PGM5: variants seen among roughly 807,000 people sequenced by gnomAD.
PGM5 encodes phosphoglucomutase 5, also known as phosphoglucomutase-like protein 5.
In PGM5, 23 loss-of-function variants were observed where a neutral mutation model predicts 59.2. That is an observed-to-expected ratio of 0.39 (90% confidence interval 0.28 to 0.55). The LOEUF (loss-of-function observed/expected upper bound fraction) is 0.55, where lower values mean the gene tolerates loss of function less well. Among genes scored for constraint, PGM5 ranks in the 20% least tolerant of loss-of-function variants. PGM5 has a pLI of 0.66. For missense variants in PGM5, 574 were observed against 748.3 expected, an observed-to-expected ratio of 0.77 and a Z score of 2.72; for synonymous variants, 214 against 286.0, an observed-to-expected ratio of 0.75 and a Z score of 2.54.
intron 6 of PGM5, among the ~76,000 whole-genome samples, chr9:68,448,033 T>C (rs1823641797): frequency 6.6e-6 from 1 of 152,140 alleles, no homozygotes; most frequent in Admixed American, 6.5e-5. Flanking sequence ...AAATAAACTA[T>C]GGTTTATTTT....
intron 9 of PGM5, among the ~76,000 whole-genome samples, chr9:68,495,885 CA>C (rs1824474777): frequency 6.6e-6 from 1 of 152,046 alleles, no homozygotes; most frequent in Non-Finnish European, 1.5e-5. Context: ...TGCCTTATAC[CA>C]GGGGTCAGCA....
chr9:68,466,119 T>G (rs1554685782), intron 7 of PGM5: 2 of 1,293,728 alleles, frequency 1.5e-6, no homozygotes, highest in Non-Finnish European at 2.0e-6. Flanking sequence ...CTTACATTCA[T>G]TTTTCTGATT....
chr9:68,422,430 T>TTTTTG (rs1328269587), intron 6 of PGM5, among the ~76,000 whole-genome samples: 3 of 151,624 alleles, frequency 2.0e-5, no homozygotes, highest in Non-Finnish European at 2.9e-5. Flanking sequence ...GTGTGGTGGT[T>TTTTTG]TTTTGTTTTG....
intron 10 of PGM5, among the ~76,000 whole-genome samples, chr9:68,503,659 G>A (rs1326295512): frequency 1.3e-5 from 2 of 152,214 alleles, no homozygotes; most frequent in African/African-American, 4.8e-5. Flanking sequence ...TCTCTTTGGA[G>A]ATGGCTTTCT....
At chr9:68,465,047 G>C in intron 6 of PGM5, 46 bp from the exon 7 acceptor site, 1 of 1,264,992 alleles carries the variant, frequency 7.9e-7, no homozygotes, top group South Asian at 1.2e-5. Flanking sequence ...AAAAAAAACA[G>C]AAAATGAAAT....
intron 10 of PGM5, among the ~76,000 whole-genome samples, chr9:68,527,712 A>G (rs1455383298): frequency 6.6e-6 from 1 of 150,438 alleles, no homozygotes; most frequent in African/African-American, 2.4e-5. Flanking sequence ...CTAGATTTTC[A>G]TTTTTCTTCC....
intron 6 of PGM5, chr9:68,405,378 G>A (rs1374985982): frequency 6.6e-6 from 1 of 152,468 alleles, no homozygotes; most frequent in Non-Finnish European, 1.5e-5. Context: ...GGACCCAATT[G>A]ATGGCAAAGG....
chr9:68,508,003 T>C (rs1361123534), intron 10 of PGM5, among the ~76,000 whole-genome samples: 1 of 152,194 alleles, frequency 6.6e-6, no homozygotes, highest in Non-Finnish European at 1.5e-5. Context: ...ACAGTTTTGA[T>C]GACAATAAGC....
In PGM5 at chr9:68,459,878, T is replaced by G. The variant is rs371878449; in HGVS notation, c.1044-5215T>G. ...AAGGTTATCTGCCTTTAAAAAAAAC[T>G]AATTTATAAGAGTTTTTAAAATATA... On this transcript the variant is annotated intron_variant, in intron 6 of 10. Transcript: ENST00000396396. Among the ~76,000 whole-genome samples the G allele has an allele frequency of 7.2e-5, 11 of 152,206 alleles. No individual in the cohort carries two copies. The East Asian group carries it at 1.2e-3, about 16-fold the overall frequency.
intron 10 of PGM5, among the ~76,000 whole-genome samples, chr9:68,508,487 C>T (rs1824692882): frequency 6.6e-6 from 1 of 152,172 alleles, no homozygotes; most frequent in South Asian, 2.1e-4. Flanking sequence ...ATTCTAATTT[C>T]TAAAATATTA....
intron 6 of PGM5, among the ~76,000 whole-genome samples, chr9:68,419,861 C>T (rs1366392647): frequency 6.6e-6 from 1 of 152,126 alleles, no homozygotes; most frequent in Non-Finnish European, 1.5e-5. Flanking sequence ...GAGATATCCC[C>T]CTCATCTCCA....
intron 10 of PGM5, among the ~76,000 whole-genome samples, chr9:68,505,640 T>A (rs960818665): frequency 6.6e-6 from 1 of 152,204 alleles, no homozygotes; most frequent in Admixed American, 6.5e-5. Flanking sequence ...AAGAAATGCT[T>A]AGGGCCAGGT....
chr9:68,410,225 T>C (rs1247956735), intron 6 of PGM5, among the ~76,000 whole-genome samples: 22 of 152,132 alleles, frequency 1.4e-4, no homozygotes, highest in African/African-American at 5.1e-4. Flanking sequence ...TTTGCATATA[T>C]CCTATAGGCC....
intron 6 of PGM5, among the ~76,000 whole-genome samples, chr9:68,454,939 G>A (rs1314190949): frequency 1.3e-5 from 2 of 152,192 alleles, no homozygotes; most frequent in African/African-American, 4.8e-5. Flanking sequence ...GAATTAGTAT[G>A]GCATGACCTT....
chr9:68,411,567 C>T (rs1822934409), intron 6 of PGM5, among the ~76,000 whole-genome samples: 1 of 151,018 alleles, frequency 6.6e-6, no homozygotes, highest in Non-Finnish European at 1.5e-5. Flanking sequence ...CTGAAAATGT[C>T]ATTACTTTTG....
At position 68,391,535 on chromosome 9, in the gene PGM5, T is replaced by C; in HGVS notation, c.699T>C (p.Val233=). 6.2e-7 allele frequency: 1 copy of C among 1,613,202 alleles called. No individual in the cohort carries two copies. Among genetic ancestry groups the C allele is most frequent in the Non-Finnish European group, 8.5e-7 (1 of 1,179,472 alleles). The change falls in exon 5 of 11, where the codon GTT becomes GTC. Residue 233 remains valine (V), a splice_region_variant and synonymous_variant. Transcript: ENST00000396396. The stretch of plus-strand genomic sequence containing the variant: ...ATATTGCTGTGTATCTATTTTTAGT[T>C]ATGGGACCTTATGTGAGAAAAGTTC... The part of the protein sequence containing the change: ...LKIRIDAMHG[V]MGPYVRKVLC...
intron 1 of PGM5, among the ~76,000 whole-genome samples, chr9:68,358,290 A>G (rs1554675970): frequency 6.6e-6 from 1 of 152,090 alleles, no homozygotes; most frequent in African/African-American, 2.4e-5. Context: ...GTCTTCTGCA[A>G]TCCAGATTCT....
intron 10 of PGM5, among the ~76,000 whole-genome samples, chr9:68,517,161 G>A (rs903830522): frequency 6.6e-6 from 1 of 151,936 alleles, no homozygotes; most frequent in Non-Finnish European, 1.5e-5. Context: ...TGGGATTACA[G>A]GCCTGAGCCA....
chr9:68,415,807 CTATCTATCTTATCTATCTATCA>C (rs1377054864), intron 6 of PGM5, among the ~76,000 whole-genome samples: 10 of 125,518 alleles, frequency 8.0e-5, no homozygotes, highest in African/African-American at 2.9e-4. Context: ...ATCTATCTAT[CTATCTATCTTATCTATCTATCA>C]TCTACACACA....
Sources: gnomAD v4.1 joint callset for allele counts (sites outside exome capture counted in the v4.1 genomes callset) on GRCh38, gnomAD v4.1.1 for gene constraint, MANE v1.5 for transcripts, NCBI Gene and HGNC (gene_info 2026-07-23, HGNC 2026-07-21) for gene names.